TPP2: variants seen among roughly 807,000 people sequenced by gnomAD.
TPP2 encodes tripeptidyl peptidase 2, also known as tripeptidyl-peptidase 2.
In TPP2, 34 loss-of-function variants were observed where a neutral mutation model predicts 155.9. The observed-to-expected ratio is 0.22, with a 90% CI of 0.17 to 0.29. The LOEUF is 0.29. Ranked by LOEUF, TPP2 falls within the 10% of genes least tolerant of loss-of-function variation. TPP2 has a pLI of 1.00. For synonymous variants in TPP2, 510 were observed against 529.4 expected, an observed-to-expected ratio of 0.96 and a Z score of 0.50; for missense variants, 1,028 against 1,522.3, an observed-to-expected ratio of 0.68 and a Z score of 5.40.
chr13:102,613,179 G>A (rs997421885), intron 2 of TPP2, among the ~76,000 whole-genome samples: 3 of 152,154 alleles, frequency 2.0e-5, no homozygotes, highest in Non-Finnish European at 2.9e-5. Context: ...TGGCACAGAG[G>A]CCTTCAAAAG....
At chr13:102,619,667 G>A (rs7996348) in intron 5 of TPP2, among the ~76,000 whole-genome samples, 22,767 of 152,076 alleles carry the variant, frequency 0.15, 2,051 homozygotes, top group African/African-American at 0.25. Flanking sequence ...TTTCATCAAA[G>A]GTGTATGCAA....
At chr13:102,674,244 T>G (rs1206793107) in intron 27 of TPP2, 39 bp from the exon 28 acceptor site, 36 of 1,578,406 alleles carry the variant, frequency 2.3e-5, no homozygotes, top group Non-Finnish European at 3.1e-5. Context: ...TTAAAGACAT[T>G]TTACTGATAT....
chr13:102,654,678 C>G (rs1397169906), intron 24 of TPP2, among the ~76,000 whole-genome samples: 1 of 152,152 alleles, frequency 6.6e-6, no homozygotes, highest in Non-Finnish European at 1.5e-5. Context: ...AGACTGGAGA[C>G]CACTCTTCTA....
At chr13:102,673,996 A>G (rs1264250784) in intron 27 of TPP2, among the ~76,000 whole-genome samples, 1 of 152,216 alleles carries the variant, frequency 6.6e-6, no homozygotes, top group Non-Finnish European at 1.5e-5. Flanking sequence ...AGCTAAAAAA[A>G]TTTAGAATAG....
Position 102,633,938 on chromosome 13 carries a change from C to T in TPP2, c.1245-12C>T. 2 of 1,613,786 alleles carry T rather than the reference C, an allele frequency of 1.2e-6. No homozygotes were observed. Among genetic ancestry groups the T allele is most frequent in the Non-Finnish European group, 1.7e-6 (2 of 1,179,800 alleles). ...CACCATCCTAAGCAAACTTCAATGG[C>T]TTTCCATTTAGTGCTGACGGGGCCC... On this transcript the variant is annotated splice_polypyrimidine_tract_variant and intron_variant, in intron 10 of 29. Transcript: ENST00000376052.
In TPP2 at chr13:102,646,388, C is replaced by A; in HGVS notation, c.2488C>A (p.Gln830Lys). ...GATGGTCCTGACATATAACTTTCAT[C>A]AAGTAAGTGTTTGCCTAGTAAAGTG... ...YEMVLTYNFH[Q>K]PKSGEVTPSC... Residue 830 changes from glutamine (Q) to lysine (K), a missense_variant and splice_region_variant, in exon 20 of 30, where the codon CAA becomes AAA. Around this residue, in one of 7 missense-constraint regions of TPP2, gnomAD observed 325 missense variants for 463.7 expected, o/e 0.70. Coordinates refer to ENST00000376052, the MANE Select transcript of TPP2 (RefSeq NM_001330588.2). The A allele has an allele frequency of 6.2e-7, 1 of 1,609,930 alleles. No individual in the cohort carries two copies. The highest frequency in any genetic ancestry group is 1.1e-5 in the South Asian group (1 of 90,432).
At chr13:102,637,349 T>A in intron 14 of TPP2, 110 bp downstream of exon 14, 1 of 1,189,038 alleles carries the variant, frequency 8.4e-7, no homozygotes, top group Non-Finnish European at 1.1e-6. Flanking sequence ...AAGAAATAAC[T>A]AGACCTATCC....
intron 6 of TPP2, among the ~76,000 whole-genome samples, chr13:102,623,593 A>T (rs929924625): frequency 1.3e-5 from 2 of 152,210 alleles, no homozygotes; most frequent in Non-Finnish European, 2.9e-5. Context: ...AATTTATCTC[A>T]TGAACAGCAA....
intron 7 of TPP2, 151 bp from the exon 8 acceptor site, chr13:102,627,697 G>T: frequency 1.2e-5 from 6 of 509,022 alleles, no homozygotes; most frequent in Non-Finnish European, 2.1e-5. Context: ...GTGCTTATAT[G>T]TCCAGGTATA....
chr13:102,632,671 C>T (rs1454612867), intron 10 of TPP2, among the ~76,000 whole-genome samples: 1 of 152,100 alleles, frequency 6.6e-6, no homozygotes, highest in East Asian at 1.9e-4. Context: ...TTATTTTTTC[C>T]AATGCTATCA....
intron 2 of TPP2, among the ~76,000 whole-genome samples, chr13:102,605,665 T>TA (rs1318385708): frequency 1.3e-5 from 2 of 151,922 alleles, no homozygotes; most frequent in African/African-American, 4.8e-5. Flanking sequence ...ATACTTAGGC[T>TA]ATAGTAGCTG....
chr13:102,626,210 A>G (rs959657478), intron 6 of TPP2, among the ~76,000 whole-genome samples: 4 of 152,220 alleles, frequency 2.6e-5, no homozygotes, highest in Non-Finnish European at 5.9e-5. Flanking sequence ...GTGATCGGAA[A>G]TGATAAAATA....
chr13:102,626,929 A>T, intron 6 of TPP2, 83 bp from the exon 7 acceptor site: 2 of 1,340,538 alleles, frequency 1.5e-6, no homozygotes, highest in Non-Finnish European at 2.0e-6. Flanking sequence ...TCTTTTTATC[A>T]TGATTAATAA....
At chr13:102,656,849 G>C (rs1883890762) in intron 24 of TPP2, 1 of 357,438 alleles carries the variant, frequency 2.8e-6, no homozygotes, top group Non-Finnish European at 5.0e-6. Context: ...GGAGATATTT[G>C]AAGTATCAGT....
intron 6 of TPP2, among the ~76,000 whole-genome samples, chr13:102,625,577 G>A (rs908829831): frequency 2.0e-5 from 3 of 152,224 alleles, no homozygotes; most frequent in African/African-American, 4.8e-5. Context: ...GCTGTGGTCA[G>A]TCTTAATAGT....
intron 2 of TPP2, 106 bp downstream of exon 2, chr13:102,605,027 A>T (rs1879714513): frequency 6.7e-7 from 1 of 1,499,146 alleles, no homozygotes; most frequent in Non-Finnish European, 9.1e-7. Flanking sequence ...ATCCATTGCC[A>T]CATATCAGAT....
chr13:102,615,968 TC>T (rs1167872186), intron 3 of TPP2, among the ~76,000 whole-genome samples: 1 of 146,936 alleles, frequency 6.8e-6, no homozygotes, highest in Admixed American at 6.7e-5. Context: ...TTTTTTTTTT[TC>T]TCTTTGAGAC....
chr13:102,616,464 G>A lies in TPP2; in HGVS notation c.459G>A (p.Gln153=), dbSNP rs369084263. ...RVALAEACRK[Q]EEFDVANNGS... is the part of the protein sequence containing the mutation. ...CCCTTGCAGAAGCCTGTAGAAAACA[G>A]GAAGAATTTGATGTTGCCAACAACG... is the stretch of plus-strand genomic sequence containing the variant. The change falls in exon 4 of 30, where the codon CAG becomes CAA. Residue 153 remains glutamine, a synonymous_variant. Coordinates refer to ENST00000376052, the MANE Select transcript of TPP2 (RefSeq NM_001330588.2). 15 of 1,612,090 alleles carry A rather than the reference G, an allele frequency of 9.3e-6. No individual in the cohort carries two copies. Among genetic ancestry groups the A allele is most frequent in the African/African-American group, 5.3e-5 (4 of 74,994 alleles).
intron 19 of TPP2, among the ~76,000 whole-genome samples, chr13:102,645,374 A>G (rs1883034774): frequency 6.6e-6 from 1 of 152,224 alleles, no homozygotes; most frequent in Admixed American, 6.5e-5. Flanking sequence ...TGTTTATTAA[A>G]TGGTAGAAAC....
Sources: allele counts gnomAD v4.1 joint callset (sites outside exome capture counted in the v4.1 genomes callset), GRCh38; gene constraint gnomAD v4.1.1; regional missense constraint gnomAD v4.1.1; transcripts MANE v1.5; gene names NCBI Gene and HGNC (gene_info 2026-07-23, HGNC 2026-07-21).